The following PIKFYVE variants were observed in gnomAD, a reference collection of about 807,000 sequenced individuals.
PIKFYVE encodes the protein phosphoinositide kinase, FYVE-type zinc finger containing.
A neutral mutation model predicts 257.9 loss-of-function variants in PIKFYVE; 122 were observed. The observed-to-expected ratio is 0.47, with a 90% CI of 0.41 to 0.55. The LOEUF is 0.55. Among genes scored for constraint, PIKFYVE ranks in the 20% least tolerant of loss-of-function variants. The probability of loss-of-function intolerance (pLI) is 0.00; values close to 1 mark genes in which losing one functional copy is unlikely to be tolerated. For synonymous variants in PIKFYVE, 892 were observed against 868.9 expected (o/e 1.03, Z -0.47); for missense variants, 2,160 against 2,536.6 (o/e 0.85, Z 3.19).
chr2:208,285,214 C>A (rs1466887350), intron 5 of PIKFYVE, among the ~76,000 whole-genome samples: 1 of 152,180 alleles, frequency 6.6e-6, no homozygotes, highest in East Asian at 1.9e-4. Context: ...TCCTGCCTCA[C>A]CCTCCTGAGT....
intron 32 of PIKFYVE, among the ~76,000 whole-genome samples, chr2:208,344,686 T>A (rs1025414035): frequency 7.0e-6 from 1 of 142,422 alleles, no homozygotes; most frequent in African/African-American, 2.6e-5. Flanking sequence ...TTTTTTTTTT[T>A]TCTTTTTGGT....
At chr2:208,306,649 G>A (rs942934357) in intron 12 of PIKFYVE, among the ~76,000 whole-genome samples, 9 of 152,138 alleles carry the variant, frequency 5.9e-5, no homozygotes, top group Non-Finnish European at 1.3e-4. Flanking sequence ...GAGTGGAATG[G>A]AACAGGAGGC....
At chr2:208,309,716 A>C (rs1296889689) in intron 12 of PIKFYVE, among the ~76,000 whole-genome samples, 1 of 152,210 alleles carries the variant, frequency 6.6e-6, no homozygotes, top group Non-Finnish European at 1.5e-5. Flanking sequence ...GGGAGTAGTG[A>C]ACTTTTGCCA....
intron 7 of PIKFYVE, among the ~76,000 whole-genome samples, chr2:208,292,052 CAT>C (rs988789475): frequency 1.7e-4 from 26 of 152,070 alleles, no homozygotes; most frequent in African/African-American, 5.8e-4. Flanking sequence ...TTCTTTGACT[CAT>C]GTATTTTTTT....
In PIKFYVE at chr2:208,304,317, T is replaced by C. The variant is rs1694064113; in HGVS notation, c.1467T>C (p.Ala489=). Residue 489 remains alanine, a splice_region_variant and synonymous_variant, in exon 11 of 42, where the codon GCT becomes GCC. Transcript: ENST00000264380. The stretch of plus-strand genomic sequence containing the variant: ...CTGAAGAAGGTGACGATAATTTGGC[T>C]AGTGAGTTTAACTTTCTAACATTTT... ...QIAEEGDDNL[A]NSASPSKRTS... is the part of the protein sequence containing the mutation. 2 of 1,613,952 alleles carry C rather than the reference T, an allele frequency of 1.2e-6. No individual in the cohort carries two copies. The highest frequency in any genetic ancestry group is 2.2e-5 in the South Asian group (2 of 91,088).
chr2:208,284,789 A>G (rs1468295778), intron 5 of PIKFYVE, among the ~76,000 whole-genome samples: 2 of 151,980 alleles, frequency 1.3e-5, no homozygotes, highest in African/African-American at 4.8e-5. Context: ...TTATTCCTTG[A>G]AACTCATGTC....
intron 40 of PIKFYVE, 150 bp downstream of exon 40, chr2:208,354,309 C>A (rs1700022710): frequency 6.5e-6 from 7 of 1,079,780 alleles, no homozygotes; most frequent in Non-Finnish European, 9.2e-6. Flanking sequence ...ATTCTAGTCT[C>A]TTCTACTCAG....
chr2:208,325,502 G>T lies in PIKFYVE; in HGVS notation c.2691G>T (p.Gly897=). 1 of 1,614,176 alleles carries T rather than the reference G, an allele frequency of 6.2e-7. No individual in the cohort carries two copies. Among genetic ancestry groups the T allele is most frequent in the Non-Finnish European group, 8.5e-7 (1 of 1,180,036 alleles). ...PSFHSLIEGR[G]HEGAVQEQYG... is the part of the protein sequence containing the mutation. ...TCCATTCCCTGATTGAGGGACGAGGGCATGAGGGGGCTGTCCAAGAGCAGT... is the reference window on the plus strand; with the variant it reads ...TCCATTCCCTGATTGAGGGACGAGGTCATGAGGGGGCTGTCCAAGAGCAGT... Residue 897 remains glycine, a synonymous_variant, in exon 20 of 42, where the codon GGG becomes GGT. Transcript: ENST00000264380.
intron 7 of PIKFYVE, among the ~76,000 whole-genome samples, chr2:208,291,527 A>T (rs1351649775): frequency 6.6e-6 from 1 of 152,094 alleles, no homozygotes; most frequent in Non-Finnish European, 1.5e-5. Context: ...TATCTTCAGG[A>T]AAATTTTGTG....
intron 22 of PIKFYVE, 137 bp from the exon 23 acceptor site, chr2:208,330,386 G>A (rs896896317): frequency 3.1e-6 from 3 of 976,456 alleles, no homozygotes; most frequent in South Asian, 1.4e-5. Context: ...TGCTGTAGCT[G>A]AAGACGATGT....
intron 36 of PIKFYVE, 27 bp from the exon 37 acceptor site, chr2:208,350,744 T>C: frequency 6.2e-7 from 1 of 1,612,432 alleles, no homozygotes; most frequent in Non-Finnish European, 8.5e-7. Context: ...TCATAAAGCT[T>C]TTTAAAAAAA....
At chr2:208,269,899 C>T (rs1194297326) in intron 1 of PIKFYVE, 3 of 287,780 alleles carry the variant, frequency 1.0e-5, no homozygotes, top group South Asian at 9.4e-5. Context: ...GCTGGCTTGG[C>T]AGCACCTTTG....
chr2:208,328,081 A>G, intron 20 of PIKFYVE, 99 bp from the exon 21 acceptor site: 10 of 1,593,640 alleles, frequency 6.3e-6, no homozygotes, highest in African/African-American at 4.0e-5. Flanking sequence ...CCCCACAGTG[A>G]TAATTGGAGG....
chr2:208,277,890 AC>A (rs1164225123), intron 5 of PIKFYVE, among the ~76,000 whole-genome samples, 182 bp downstream of exon 5: 3 of 152,184 alleles, frequency 2.0e-5, no homozygotes, highest in Non-Finnish European at 4.4e-5. Flanking sequence ...AGTAGATGGG[AC>A]TTATCATAAA....
chr2:208,320,122 A>G (rs531623925), intron 16 of PIKFYVE, 130 bp from the exon 17 acceptor site: 5 of 1,283,632 alleles, frequency 3.9e-6, no homozygotes, highest in Non-Finnish European at 4.2e-6. Flanking sequence ...AAATGAGAAT[A>G]TATTAATACT....
Position 208,346,075 on chromosome 2 carries a change from A to G in PIKFYVE, c.5137A>G (p.Ser1713Gly), listed in dbSNP as rs376604887. The G allele has an allele frequency of 6.3e-5, 102 of 1,613,156 alleles. No individual in the cohort carries two copies. The highest frequency in any genetic ancestry group is 7.8e-5 in the Non-Finnish European group (92 of 1,179,466). Residue 1713 changes from serine (S) to glycine (G), a missense_variant, in exon 34 of 42, where the codon AGC becomes GGC. Transcript: ENST00000264380. ...NSTSDSRPKS[S>G]SPIRLPEMSG... ...TACTTCAGATAGCAGACCAAAGAGTAGCAGCCCTATCAGATTACCTGAAAT... is the reference window on the plus strand; with the variant it reads ...TACTTCAGATAGCAGACCAAAGAGTGGCAGCCCTATCAGATTACCTGAAAT...
At position 208,336,932 on chromosome 2, in the gene PIKFYVE, T is replaced by C. The variant is rs777847620; in HGVS notation, c.4611+4T>C. On this transcript the variant is annotated splice_donor_region_variant and intron_variant, in intron 28 of 41. Transcript: ENST00000264380. ...GAGACAAGGGGAAGAAAGCAAGGTATGAAATGTAGTCTTGTCTTTGGTCCT... is the reference window on the plus strand; with the variant it reads ...GAGACAAGGGGAAGAAAGCAAGGTACGAAATGTAGTCTTGTCTTTGGTCCT... 6.3e-7 allele frequency: 1 copy of C among 1,598,556 alleles called. No individual in the cohort carries two copies. The highest frequency in any genetic ancestry group is 2.2e-5 in the East Asian group (1 of 44,610).
rs759348194 is a variant in PIKFYVE at position 208,354,055 on chromosome 2, C to G, written c.6002C>G (p.Ser2001Trp). 1 of 1,613,982 alleles carries G rather than the reference C, an allele frequency of 6.2e-7. No homozygotes were observed. Among genetic ancestry groups the G allele is most frequent in the South Asian group, 1.1e-5 (1 of 91,072 alleles). ...CATTCCAAAGCTGTGCTGAGAACCT[C>G]GATCCATAGTGACTCCCATTTCCTT... ...RSHSKAVLRT[S>W]IHSDSHFLSS... The change falls in exon 40 of 42, where the codon TCG (serine) becomes TGG (tryptophan). Residue 2001 changes from serine to tryptophan, a missense_variant. This residue lies in a region of PIKFYVE where 699 missense variants were observed against 855.8 expected (regional missense o/e 0.82). Coordinates refer to ENST00000264380, the MANE Select transcript of PIKFYVE (RefSeq NM_015040.4).
At chr2:208,292,273 G>A (rs1306008250) in intron 7 of PIKFYVE, among the ~76,000 whole-genome samples, 2 of 152,040 alleles carry the variant, frequency 1.3e-5, no homozygotes, top group Non-Finnish European at 2.9e-5. Context: ...GCATTCTGTT[G>A]TTGAATTAAA....
Sources: allele counts gnomAD v4.1 joint callset (sites outside exome capture counted in the v4.1 genomes callset), GRCh38; gene constraint gnomAD v4.1.1; regional missense constraint gnomAD v4.1.1; transcripts MANE v1.5; gene names NCBI Gene and HGNC (gene_info 2026-07-23, HGNC 2026-07-21).